BACE2: variants seen among roughly 807,000 people sequenced by gnomAD.
BACE2 encodes 56 kDa aspartic-like protease.
BACE2 carries 17 observed loss-of-function variants against 46.2 expected under a neutral mutation model. The ratio of observed to expected loss-of-function variants is 0.37; its 90% confidence interval spans 0.25 to 0.55. BACE2 has a LOEUF of 0.55. BACE2 is among the 20% of genes least tolerant of loss of function. The pLI is 0.82. For missense variants in BACE2, 595 were observed against 698.1 expected (o/e 0.85, Z 1.66); for synonymous variants, 277 against 295.9 (o/e 0.94, Z 0.66).
rs1306216905 is a variant in BACE2, at chr21:41,276,078, A to G, written c.*454A>G. Reference sequence around the variant, plus strand: ...TTCCGCCAGACCTCAACCTGGGTCAAAGTGGTACAGGAAGGCTTGCAGTAT... The same window carrying G: ...TTCCGCCAGACCTCAACCTGGGTCAGAGTGGTACAGGAAGGCTTGCAGTAT... On this transcript the variant is annotated 3_prime_UTR_variant, in exon 9 of 9. Coordinates refer to ENST00000330333, the MANE Select transcript of BACE2 (RefSeq NM_012105.5). 5.9e-6 allele frequency: 1 copy of G among 169,100 alleles called. No individual in the cohort carries two copies. The highest frequency in any genetic ancestry group is 1.4e-4 in the South Asian group (1 of 7,092). 10.5% of individuals were successfully genotyped at this position (169,100 alleles called of 1,614,324 possible).
chr21:41,205,248 A>G (rs182481895), intron 1 of BACE2, among the ~76,000 whole-genome samples: 6 of 152,310 alleles, frequency 3.9e-5, no homozygotes, highest in East Asian at 3.9e-4. Flanking sequence ...CTCACATACA[A>G]TTGTCATTGT....
At chr21:41,253,581 TA>T (rs1169191792) in intron 7 of BACE2, among the ~76,000 whole-genome samples, 1 of 152,094 alleles carries the variant, frequency 6.6e-6, no homozygotes, top group Admixed American at 6.5e-5. Context: ...CACTGCTGAA[TA>T]AATGTCAGGC....
intron 7 of BACE2, among the ~76,000 whole-genome samples, chr21:41,251,749 C>T (rs914530078): frequency 6.7e-6 from 1 of 150,336 alleles, no homozygotes; most frequent in African/African-American, 2.5e-5. Context: ...TGCAGTGAGC[C>T]GAGATCACAC....
At chr21:41,216,972 C>T (rs1191069895) in intron 1 of BACE2, among the ~76,000 whole-genome samples, 1 of 152,178 alleles carries the variant, frequency 6.6e-6, no homozygotes, top group Non-Finnish European at 1.5e-5. Context: ...CGCTCTGTCA[C>T]CCAGGCTGGA....
At chr21:41,258,554 A>T (rs984467223) in intron 8 of BACE2, among the ~76,000 whole-genome samples, 4 of 152,238 alleles carry the variant, frequency 2.6e-5, no homozygotes, top group Non-Finnish European at 5.9e-5. Flanking sequence ...ACATGGTCTT[A>T]AAACAGGACT....
At chr21:41,271,043 A>G (rs549456156) in intron 8 of BACE2, among the ~76,000 whole-genome samples, 143 of 152,350 alleles carry the variant, frequency 9.4e-4, no homozygotes, top group African/African-American at 3.4e-3. Context: ...ACAGTTTATC[A>G]TTATGAAACT....
intron 8 of BACE2, among the ~76,000 whole-genome samples, chr21:41,270,084 C>T (rs1303295804): frequency 1.3e-5 from 2 of 152,176 alleles, no homozygotes; most frequent in Non-Finnish European, 2.9e-5. Flanking sequence ...TCCCTAATGA[C>T]TAATAATCCT....
At chr21:41,175,649 C>T (rs572261563) in intron 1 of BACE2, 2 of 152,980 alleles carry the variant, frequency 1.3e-5, no homozygotes, top group South Asian at 2.1e-4. Context: ...CCAAAGAAAA[C>T]AATTTCTAAA....
intron 1 of BACE2, among the ~76,000 whole-genome samples, 180 bp downstream of exon 1, chr21:41,168,755 G>A (rs964570980): frequency 2.0e-5 from 3 of 152,062 alleles, no homozygotes; most frequent in Admixed American, 2.0e-4. Context: ...CTCTTGAGTC[G>A]CGGAGGACGG....
Position 41,220,434 on chromosome 21 carries a change from G to A in BACE2, c.313-5832G>A, listed in dbSNP as rs535793889. 2.4e-4 allele frequency among the ~76,000 whole-genome samples: 36 copies of A among 152,218 alleles called. No homozygotes were observed. The South Asian group carries it at 7.3e-3, about 31-fold the overall frequency. Reference sequence around the variant, plus strand: ...CCCGCCTTGCTCTTTCTGGTGACCAGCCCCCATCCCGAAGCTACCTAGGGG... The same window carrying A: ...CCCGCCTTGCTCTTTCTGGTGACCAACCCCCATCCCGAAGCTACCTAGGGG... On this transcript the variant is annotated intron_variant, in intron 1 of 8. Transcript: ENST00000330333.
chr21:41,214,819 C>T (rs1986406481), intron 1 of BACE2, among the ~76,000 whole-genome samples: 1 of 152,158 alleles, frequency 6.6e-6, no homozygotes, highest in South Asian at 2.1e-4. Context: ...GGAGGGCGCA[C>T]TGTGCTGGGG....
intron 1 of BACE2, among the ~76,000 whole-genome samples, chr21:41,173,431 G>C (rs1210584341): frequency 6.6e-6 from 1 of 152,184 alleles, no homozygotes; most frequent in Non-Finnish European, 1.5e-5. Context: ...TCCTGCTGGA[G>C]AGTAACTGCT....
chr21:41,203,893 A>G (rs541353872), intron 1 of BACE2, among the ~76,000 whole-genome samples: 1 of 152,324 alleles, frequency 6.6e-6, no homozygotes, highest in East Asian at 1.9e-4. Context: ...GCTGGAGAGG[A>G]CATTGCTACA....
At chr21:41,240,520 T>C (rs1987255674) in intron 3 of BACE2, among the ~76,000 whole-genome samples, 1 of 152,206 alleles carries the variant, frequency 6.6e-6, no homozygotes, top group Admixed American at 6.5e-5. Context: ...GCTGCCCTTA[T>C]CCCTGTTTCA....
At chr21:41,272,431 A>G (rs1738355981) in intron 8 of BACE2, among the ~76,000 whole-genome samples, 2 of 151,774 alleles carry the variant, frequency 1.3e-5, no homozygotes, top group South Asian at 4.2e-4. Flanking sequence ...CTCTGATTAC[A>G]TGATTTAGCA....
chr21:41,244,843 TAAAAC>T (rs1987416394), intron 5 of BACE2, among the ~76,000 whole-genome samples: 1 of 151,874 alleles, frequency 6.6e-6, no homozygotes, highest in South Asian at 2.1e-4. Flanking sequence ...TGTCCGAATG[TAAAAC>T]AAAATACAAA....
chr21:41,233,044 A>G (rs1026751287), intron 2 of BACE2, among the ~76,000 whole-genome samples: 1 of 151,590 alleles, frequency 6.6e-6, no homozygotes, highest in Non-Finnish European at 1.5e-5. Context: ...AATTTTTTGT[A>G]TTTTCAGTAG....
At chr21:41,210,482 C>T (rs187740204) in intron 1 of BACE2, among the ~76,000 whole-genome samples, 19 of 152,312 alleles carry the variant, frequency 1.2e-4, no homozygotes, top group South Asian at 6.2e-4. Context: ...ACTTAGAGAA[C>T]GGATTCTGTT....
chr21:41,168,376 C>T lies in BACE2; in HGVS notation c.113C>T (p.Ala38Val). 7.1e-7 allele frequency: 1 copy of T among 1,407,092 alleles called. No individual in the cohort carries two copies. Among genetic ancestry groups the T allele is most frequent in the South Asian group, 1.6e-5 (1 of 64,104 alleles). The allele number at this position is 1,407,092 out of a possible 1,614,324, so 87.2% of individuals were successfully genotyped here. A position where few individuals can be genotyped will look rare whatever the true frequency, so the allele number is the denominator to read the frequency against. Residue 38 changes from alanine (A) to valine (V), a missense_variant, in exon 1 of 9, where the codon GCC becomes GTC. Ala to Val is a moderately conservative substitution (Grantham distance 64). This residue lies in a region of BACE2 where 248 missense variants were observed against 261.4 expected (regional missense o/e 0.95). Transcript: ENST00000330333. ...PFTLPLRVAA[A>V]TNRVVAPTPG... ...ACGCTGCCCCTCCGGGTGGCCGCGG[C>T]CACGAACCGCGTAGTTGCGCCCACC...
Sources: gnomAD v4.1 joint callset for allele counts (sites outside exome capture counted in the v4.1 genomes callset) on GRCh38, gnomAD v4.1.1 for gene constraint, gnomAD v4.1.1 regional missense constraint, MANE v1.5 for transcripts, NCBI Gene and HGNC (gene_info 2026-07-23, HGNC 2026-07-21) for gene names.